SMG1: variants seen among roughly 807,000 people sequenced by gnomAD.
SMG1 encodes the protein serine/threonine-protein kinase SMG1.
A neutral mutation model predicts 419.9 loss-of-function variants in SMG1; 22 were observed. That is an observed-to-expected ratio of 0.05 (90% CI 0.04 to 0.07). The LOEUF (loss-of-function observed/expected upper bound fraction) is 0.07. SMG1 is among the 10% of genes least tolerant of loss of function. The pLI is 1.00. For missense variants in SMG1, 3,185 were observed against 4,342.0 expected (o/e 0.73, Z 7.49); for synonymous variants, 1,538 against 1,553.5 (o/e 0.99, Z 0.23).
rs1176045767 is a variant in SMG1 at position 18,875,294 on chromosome 16, A to G, written c.1890+830T>C. 2.0e-5 allele frequency: 3 copies of G among 152,606 alleles called. No individual in the cohort carries two copies. In the East Asian group the frequency reaches 5.8e-4, roughly 29 times the overall value. The allele number at this position is 152,606 out of a possible 1,614,324, so 9.5% of individuals were successfully genotyped here. A position where few individuals can be genotyped will look rare whatever the true frequency, so the allele number is the denominator to read the frequency against. ...GATGCTCACCAGTAAGTGTTATGAA[A>G]ATACTCCAAAATCCGGCTGGGCATG... On this transcript the variant is annotated intron_variant, in intron 13 of 62. Coordinates refer to ENST00000446231, the MANE Select transcript of SMG1 (RefSeq NM_015092.5).
At chr16:18,878,812 A>T (rs1445003648) in intron 11 of SMG1, 2 of 153,098 alleles carry the variant, frequency 1.3e-5, no homozygotes, top group Non-Finnish European at 2.9e-5. Context: ...ATTCAAGACC[A>T]GCCTGGGTAA....
intron 41 of SMG1, 59 bp from the exon 42 acceptor site, chr16:18,840,005 G>A: frequency 1.5e-6 from 2 of 1,355,468 alleles, no homozygotes; most frequent in South Asian, 1.4e-5. Context: ...AGGAAAAAGA[G>A]TGCCTTTTGT....
intron 49 of SMG1, 101 bp from the exon 50 acceptor site, chr16:18,834,539 G>T: frequency 9.0e-7 from 1 of 1,114,590 alleles, no homozygotes; most frequent in Non-Finnish European, 1.3e-6. Flanking sequence ...CATTTTGGGA[G>T]GCCGAGGCAG....
chr16:18,816,112 T>C, intron 58 of SMG1, 190 bp downstream of exon 58: 4 of 594,240 alleles, frequency 6.7e-6, no homozygotes, highest in Non-Finnish European at 8.9e-6. Context: ...GTGTATGAAA[T>C]TCAAACTACT....
chr16:18,850,783 ACT>A (rs961432653), intron 33 of SMG1, among the ~76,000 whole-genome samples: 2 of 151,952 alleles, frequency 1.3e-5, no homozygotes, highest in African/African-American at 4.8e-5. Context: ...ACAAAGTCTC[ACT>A]CTGTCACCCA....
intron 1 of SMG1, among the ~76,000 whole-genome samples, chr16:18,918,562 T>C (rs2142009518): frequency 6.6e-6 from 1 of 152,320 alleles, no homozygotes. Context: ...TTTTTGTTTT[T>C]GTTTTTGAGA....
In SMG1 at chr16:18,869,209, C is replaced by G; in HGVS notation, c.2728G>C (p.Ala910Pro). The G allele has an allele frequency of 1.2e-6, 2 of 1,611,776 alleles. No individual in the cohort carries two copies. Among genetic ancestry groups the G allele is most frequent in the African/African-American group, 1.3e-5 (1 of 74,968 alleles). The change falls in exon 20 of 63, where the codon GCT becomes CCT. Residue 910 changes from alanine to proline, a missense_variant. Ala to Pro is a conservative substitution (Grantham distance 27). Transcript: ENST00000446231. Reference sequence around the variant, plus strand: ...CATATGGCCCACTGCCAAAGGACAGCATCTGTCTTCAGGAGATTGCGTGGA... The same window carrying G: ...CATATGGCCCACTGCCAAAGGACAGGATCTGTCTTCAGGAGATTGCGTGGA... ...TIPRNLLKTD[A>P]VLWQWAIWEA...
At chr16:18,832,586 A>ATG (rs1567334081) in intron 51 of SMG1, among the ~76,000 whole-genome samples, 2 of 143,434 alleles carry the variant, frequency 1.4e-5, no homozygotes, top group Admixed American at 7.0e-5. Flanking sequence ...ACACTTGCAC[A>ATG]CACACACACA....
intron 1 of SMG1, among the ~76,000 whole-genome samples, chr16:18,916,089 ACCAG>A (rs141513758): frequency 4.5e-5 from 5 of 110,244 alleles, no homozygotes; most frequent in Admixed American, 9.5e-5. Context: ...AAAAAAAAAA[ACCAG>A]AAAAAAAAAA....
At chr16:18,843,862 G>C (rs1003090597) in intron 39 of SMG1, among the ~76,000 whole-genome samples, 4 of 152,162 alleles carry the variant, frequency 2.6e-5, no homozygotes, top group African/African-American at 9.7e-5. Context: ...ATTAGGGAGA[G>C]AAGTGGGACT....
intron 1 of SMG1, among the ~76,000 whole-genome samples, chr16:18,921,152 AAAAG>A (rs1449805884): frequency 1.2e-3 from 174 of 148,866 alleles, no homozygotes; most frequent in African/African-American, 4.0e-3. Context: ...AAAAAAAAAA[AAAAG>A]AGAGAGAGAG....
rs746311454 is a variant in SMG1 at position 18,817,394 on chromosome 16, G to A, written c.9971C>T (p.Ala3324Val). 22 of 1,606,736 alleles carry A rather than the reference G, an allele frequency of 1.4e-5. No homozygotes were observed. The highest frequency in any genetic ancestry group is 2.2e-5 in the East Asian group (1 of 44,752). Residue 3324 changes from alanine (A) to valine (V), a missense_variant, in exon 57 of 63, where the codon GCG (alanine) becomes GTG (valine). Physicochemically the swap from Ala to Val is moderately conservative, Grantham distance 64 (BLOSUM62 0). This residue lies in a region of SMG1 where 737 missense variants were observed against 846.6 expected (regional missense o/e 0.87). Transcript: ENST00000446231. ...TCGCTTGATTAGTTCAAATAACGCCGCATCCAGGTTTAAGGCTTCTGCAGT... is the reference window on the plus strand; with the variant it reads ...TCGCTTGATTAGTTCAAATAACGCCACATCCAGGTTTAAGGCTTCTGCAGT... ...TRTAEALNLD[A>V]ALFELIKRCQ...
intron 8 of SMG1, among the ~76,000 whole-genome samples, chr16:18,884,434 A>C (rs1001021519): frequency 6.6e-6 from 1 of 152,118 alleles, no homozygotes; most frequent in African/African-American, 2.4e-5. Flanking sequence ...TCATATCTAT[A>C]TTGTCACTAC....
chr16:18,829,407 A>G lies in SMG1; in HGVS notation c.9482T>C (p.Val3161Ala). ...FSQLVMNRAT[V>A]LASSYDTAWK... ...GGCAGTGTCGTAAGAACTTGCTAAC[A>G]CAGTTGCCCTGTTCATAACCAGCTG... The change falls in exon 54 of 63, where the codon GTG (valine) becomes GCG (alanine). Residue 3161 changes from valine (V) to alanine (A), a missense_variant. Val to Ala is a moderately conservative substitution (Grantham distance 64). Coordinates refer to ENST00000446231, the MANE Select transcript of SMG1 (RefSeq NM_015092.5). The G allele has an allele frequency of 6.2e-7, 1 of 1,614,006 alleles. No homozygotes were observed. Among genetic ancestry groups the G allele is most frequent in the Non-Finnish European group, 8.5e-7 (1 of 1,179,882 alleles).
At chr16:18,911,012 T>G (rs112136798) in intron 1 of SMG1, among the ~76,000 whole-genome samples, 1 of 152,288 alleles carries the variant, frequency 6.6e-6, no homozygotes, top group African/African-American at 2.4e-5. Context: ...ACATTCCATT[T>G]ACATTGTACT....
chr16:18,819,416 C>G, intron 56 of SMG1, 86 bp downstream of exon 56: 2 of 1,450,048 alleles, frequency 1.4e-6, no homozygotes, highest in Non-Finnish European at 1.9e-6. Flanking sequence ...CTCTCAAGCT[C>G]CCCTAGTTAC....
chr16:18,853,506 A>C, intron 31 of SMG1, 77 bp downstream of exon 31: 1 of 1,233,174 alleles, frequency 8.1e-7, no homozygotes, highest in South Asian at 1.7e-5. Context: ...TATAGCCAGC[A>C]TAACATTATA....
chr16:18,880,156 G>C (rs970030716), intron 10 of SMG1, among the ~76,000 whole-genome samples: 10 of 152,144 alleles, frequency 6.6e-5, no homozygotes, highest in Non-Finnish European at 1.5e-4. Flanking sequence ...GTCACTTTAA[G>C]CTTATTAAAG....
chr16:18,914,857 A>G (rs1039157083), intron 1 of SMG1, among the ~76,000 whole-genome samples: 1 of 152,148 alleles, frequency 6.6e-6, no homozygotes, highest in Non-Finnish European at 1.5e-5. Flanking sequence ...TAGACCCAAG[A>G]TAAGTCAATG....
Sources: allele counts gnomAD v4.1 joint callset (sites outside exome capture counted in the v4.1 genomes callset), GRCh38; gene constraint gnomAD v4.1.1; regional missense constraint gnomAD v4.1.1; transcripts MANE v1.5; gene names NCBI Gene and HGNC (gene_info 2026-07-23, HGNC 2026-07-21).